The following RGS5 variants were observed in gnomAD, a reference collection of about 807,000 sequenced individuals.
The protein encoded by RGS5 is regulator of G-protein signalling 5.
In RGS5, 20 loss-of-function variants were observed where a neutral mutation model predicts 18.9. The ratio of observed to expected loss-of-function variants is 1.06; its 90% CI spans 0.74 to 1.54. The LOEUF (loss-of-function observed/expected upper bound fraction) is 1.54. Among genes scored for constraint, RGS5 ranks in the 40% most tolerant of loss-of-function variants. The pLI is 0.00. For synonymous variants in RGS5, 57 were observed against 76.2 expected (o/e 0.75, Z 1.31); for missense variants, 201 against 211.8 (o/e 0.95, Z 0.32).
chr1:163,310,902 C>T (rs1649839932), intron 1 of RGS5, among the ~76,000 whole-genome samples: 1 of 152,158 alleles, frequency 6.6e-6, no homozygotes, highest in South Asian at 2.1e-4. Context: ...GCACCTTCTT[C>T]ACAAGGCAGC....
At chr1:163,216,748 G>A (rs1660226170) in intron 1 of RGS5, among the ~76,000 whole-genome samples, 1 of 152,176 alleles carries the variant, frequency 6.6e-6, no homozygotes, top group Non-Finnish European at 1.5e-5. Flanking sequence ...TAGAACCATT[G>A]TGAGCATGCT....
At chr1:163,161,558 C>T in intron 3 of RGS5, 1 of 209,784 alleles carries the variant, frequency 4.8e-6, no homozygotes, top group South Asian at 8.6e-5. Context: ...TGATCTTTAT[C>T]AATTTATTAT....
At chr1:163,236,618 G>A (rs539334613) in intron 2 of RGS5, among the ~76,000 whole-genome samples, 1 of 152,118 alleles carries the variant, frequency 6.6e-6, no homozygotes, top group South Asian at 2.1e-4. Flanking sequence ...CTACAAACCA[G>A]CAATATAATA....
chr1:163,296,387 A>C (rs1351192457), intron 2 of RGS5, among the ~76,000 whole-genome samples: 6 of 152,160 alleles, frequency 3.9e-5, no homozygotes, highest in Admixed American at 3.9e-4. Flanking sequence ...TAAAACTAAC[A>C]TTTCAAATTT....
intron 4 of RGS5, among the ~76,000 whole-genome samples, chr1:163,150,831 C>G (rs1657343272): frequency 6.6e-6 from 1 of 152,132 alleles, no homozygotes; most frequent in Non-Finnish European, 1.5e-5. Flanking sequence ...TAGGGTAACT[C>G]ATAACTAAAG....
At chr1:163,273,574 C>T (rs1227416335) in intron 2 of RGS5, among the ~76,000 whole-genome samples, 2 of 152,010 alleles carry the variant, frequency 1.3e-5, no homozygotes, top group East Asian at 1.9e-4. Context: ...GGGGTCATTG[C>T]TATCATACTT....
At chr1:163,315,268 G>A (rs1007310131) in intron 1 of RGS5, among the ~76,000 whole-genome samples, 1 of 152,060 alleles carries the variant, frequency 6.6e-6, no homozygotes, top group Non-Finnish European at 1.5e-5. Flanking sequence ...TATAAAAATT[G>A]AAGTTAGGCC....
chr1:163,301,290 C>T (rs2101642270), intron 2 of RGS5, among the ~76,000 whole-genome samples: 1 of 151,684 alleles, frequency 6.6e-6, no homozygotes, highest in Admixed American at 6.6e-5. Flanking sequence ...AGGAAAAAAT[C>T]AGAATTCTAG....
At chr1:163,294,371 G>A (rs1649369340) in intron 2 of RGS5, among the ~76,000 whole-genome samples, 1 of 152,226 alleles carries the variant, frequency 6.6e-6, no homozygotes, top group Non-Finnish European at 1.5e-5. Context: ...CCAAAGTCTG[G>A]GGCTTACGCC....
At chr1:163,239,409 C>G (rs1647724910) in intron 2 of RGS5, among the ~76,000 whole-genome samples, 1 of 151,368 alleles carries the variant, frequency 6.6e-6, no homozygotes, top group African/African-American at 2.4e-5. Flanking sequence ...TTTCTAGAAC[C>G]TGGGAGGCGG....
At chr1:163,265,569 C>T (rs1306598749) in intron 2 of RGS5, among the ~76,000 whole-genome samples, 8 of 152,086 alleles carry the variant, frequency 5.3e-5, no homozygotes, top group Non-Finnish European at 4.4e-5. Flanking sequence ...GCAACCTTCT[C>T]TAACTAAACC....
intron 2 of RGS5, among the ~76,000 whole-genome samples, chr1:163,255,024 A>C (rs996365575): frequency 2.0e-5 from 3 of 152,182 alleles, no homozygotes; most frequent in Non-Finnish European, 2.9e-5. Context: ...TTTTGGTACC[A>C]GTACCATGCT....
intron 2 of RGS5, 83 bp from the exon 3 acceptor site, chr1:163,162,059 T>C: frequency 1.1e-6 from 1 of 912,674 alleles, no homozygotes; most frequent in Admixed American, 1.7e-5. Flanking sequence ...ACTTCCTGTT[T>C]CTCTTAGATG....
chr1:163,220,353 A>T (rs143526807), upstream of RGS5, among the ~76,000 whole-genome samples: 932 of 152,268 alleles, frequency 6.1e-3, 2 homozygotes, highest in Non-Finnish European at 8.1e-3. Flanking sequence ...TATAACACTC[A>T]TCCAATCCAC....
At chr1:163,148,448 C>T (rs780966102) in intron 4 of RGS5, among the ~76,000 whole-genome samples, 6 of 152,146 alleles carry the variant, frequency 3.9e-5, no homozygotes, top group Admixed American at 3.3e-4. Context: ...AGTGCTCGGT[C>T]GGTGCCAGGC....
intron 4 of RGS5, among the ~76,000 whole-genome samples, 191 bp from the exon 5 acceptor site, chr1:163,147,694 C>T (rs984491125): frequency 3.3e-5 from 5 of 152,046 alleles, no homozygotes; most frequent in Admixed American, 6.6e-5. Flanking sequence ...TGCATCCAAC[C>T]GGTATTAGAC....
chr1:163,171,711 T>G, intron 1 of RGS5, among the ~76,000 whole-genome samples: 1 of 152,250 alleles, frequency 6.6e-6, no homozygotes, highest in East Asian at 1.9e-4. Context: ...CGAATGTATG[T>G]AAAAGAATTA....
At chr1:163,282,064 CACAA>C (rs1399725535) in intron 2 of RGS5, among the ~76,000 whole-genome samples, 8 of 151,944 alleles carry the variant, frequency 5.3e-5, no homozygotes, top group Admixed American at 5.2e-4. Flanking sequence ...CACACACACA[CACAA>C]ACAAAAATAG....
At chr1:163,238,874 C>T (rs1018383223) in intron 2 of RGS5, 4 of 167,664 alleles carry the variant, frequency 2.4e-5, no homozygotes, top group Admixed American at 1.3e-4. Flanking sequence ...GATTTGAGGT[C>T]GAAGACTGCA....
Sources: allele counts gnomAD v4.1 joint callset (sites outside exome capture counted in the v4.1 genomes callset), GRCh38; gene constraint gnomAD v4.1.1; transcripts MANE v1.5; gene names NCBI Gene and HGNC (gene_info 2026-07-23, HGNC 2026-07-21).